TBC1D31: variants seen among roughly 807,000 people sequenced by gnomAD.
The protein encoded by TBC1D31 is WD repeat domain 67.
Under a neutral mutation model 132.9 loss-of-function variants are expected in TBC1D31, and 99 were observed. The observed-to-expected ratio is 0.74, with a 90% confidence interval of 0.63 to 0.88. TBC1D31 has a LOEUF of 0.88. TBC1D31 is among the 40% of genes least tolerant of loss of function. TBC1D31 has a pLI of 0.00. For synonymous variants in TBC1D31, 385 were observed against 419.4 expected (o/e 0.92, Z 1.00); for missense variants, 1,134 against 1,256.6 (o/e 0.90, Z 1.48).
At chr8:123,162,382 C>G in the TBC1D31 span, among the ~76,000 whole-genome samples, 35 of 152,136 alleles carry the variant, frequency 2.3e-4, no homozygotes, top group East Asian at 6.8e-3. Flanking sequence ...TTAATGGAAA[C>G]CTGTTGAGAG....
At chr8:123,161,498 T>C in the TBC1D31 span, among the ~76,000 whole-genome samples, 1 of 152,242 alleles carries the variant, frequency 6.6e-6, no homozygotes, top group African/African-American at 2.4e-5. Context: ...TCAGGCGACC[T>C]GACCAAGTTC....
At chr8:123,072,919 G>C (rs1353416311) in intron 1 of TBC1D31, 73 bp downstream of exon 1, 1 of 1,458,716 alleles carries the variant, frequency 6.9e-7, no homozygotes, top group Admixed American at 2.0e-5. Context: ...CCGGGCGTCA[G>C]GCAGCGTTCC....
chr8:123,115,213 T>C (rs1466049205), intron 10 of TBC1D31, among the ~76,000 whole-genome samples: 1 of 152,216 alleles, frequency 6.6e-6, no homozygotes, highest in African/African-American at 2.4e-5. Flanking sequence ...ATGTTATCAG[T>C]CTTTATTTGT....
rs766820143 is a variant in TBC1D31, at chr8:123,097,357, T to G, written c.747T>G (p.Phe249Leu). The change falls in exon 6 of 22, where the codon TTT (phenylalanine) becomes TTG (leucine). Residue 249 changes from phenylalanine (F) to leucine (L), a missense_variant. Physicochemically the swap from Phe to Leu is conservative, Grantham distance 22 (BLOSUM62 0). Transcript: ENST00000287380. ...HLWCLEARQL[F>L]RIIQMPTKVR... ...GGTGCTTGGAAGCTAGGCAGCTCTT[T>G]AGAATTATCCAGATGCCCACTAAAG... 9 of 1,614,088 alleles carry G rather than the reference T, an allele frequency of 5.6e-6. No homozygotes were observed. The Admixed American group carries it at 1.3e-4, about 24-fold the overall frequency.
chr8:123,084,860 A>G (rs2129912866), intron 4 of TBC1D31, among the ~76,000 whole-genome samples: 1 of 151,804 alleles, frequency 6.6e-6, no homozygotes, highest in Non-Finnish European at 1.5e-5. Context: ...CATGATCTCA[A>G]CTTACTGTAA....
At chr8:123,144,580 A>G (rs1369291589) in intron 19 of TBC1D31, 137 bp from the exon 20 acceptor site, 3 of 870,568 alleles carry the variant, frequency 3.4e-6, no homozygotes, top group Non-Finnish European at 5.1e-6. Flanking sequence ...CCCAGTTACC[A>G]TAACACCAAA....
chr8:123,109,413 G>C lies in TBC1D31; in HGVS notation c.1289+17G>C. 2 of 1,608,282 alleles carry C rather than the reference G, an allele frequency of 1.2e-6. No individual in the cohort carries two copies. The highest frequency in any genetic ancestry group is 1.7e-6 in the Non-Finnish European group (2 of 1,176,604). ...AAAATACAGGTACAATTTAAATTCT[G>C]TATGTTACATCAGTTTTACTCAAAA... On this transcript the variant is annotated intron_variant, in intron 9 of 21. Transcript: ENST00000287380.
At chr8:123,080,181 G>A (rs76919225) in intron 2 of TBC1D31, among the ~76,000 whole-genome samples, 2,787 of 152,252 alleles carry the variant, frequency 0.018, 70 homozygotes, top group African/African-American at 0.063. Context: ...CATGTAACAC[G>A]TGACAGTATC....
intron 20 of TBC1D31, among the ~76,000 whole-genome samples, chr8:123,148,781 G>A (rs1045162197): frequency 1.3e-5 from 2 of 152,114 alleles, no homozygotes; most frequent in Non-Finnish European, 2.9e-5. Flanking sequence ...ACTTTGGGAG[G>A]CCAAATCATG....
In TBC1D31 at chr8:123,077,216, C is replaced by T. The variant is rs766071344; in HGVS notation, c.183C>T (p.Asp61=). Residue 61 remains aspartate, a synonymous_variant, in exon 2 of 22, where the codon GAC becomes GAT. Transcript: ENST00000287380. The part of the protein sequence containing the change: ...DGTGDCLIAG[D]HQGNIYVFDL... ...CAGGCGACTGCTTAATTGCTGGGGA[C>T]CACCAAGGAAATATTTATGTTTTTG... The T allele has an allele frequency of 1.2e-6, 2 of 1,612,014 alleles. No individual in the cohort carries two copies. Among genetic ancestry groups the T allele is most frequent in the South Asian group, 2.2e-5 (2 of 90,662 alleles).
At chr8:123,122,137 C>A (rs1819560194) in intron 11 of TBC1D31, among the ~76,000 whole-genome samples, 1 of 152,186 alleles carries the variant, frequency 6.6e-6, no homozygotes, top group South Asian at 2.1e-4. Context: ...TTTGCCATTT[C>A]TTCAAAATTC....
chr8:123,129,813 TTAAAAA>T (rs1452365503), intron 15 of TBC1D31, among the ~76,000 whole-genome samples: 2 of 152,108 alleles, frequency 1.3e-5, no homozygotes, highest in Non-Finnish European at 1.5e-5. Flanking sequence ...AAGAAAAAAC[TTAAAAA>T]TAAATACATA....
intron 1 of TBC1D31, 134 bp downstream of exon 1, chr8:123,072,980 T>A: frequency 1.2e-6 from 1 of 827,966 alleles, no homozygotes; most frequent in Non-Finnish European, 1.9e-6. Flanking sequence ...TGACCTGCGG[T>A]GGAACAGATG....
At chr8:123,098,382 A>G (rs1029600589) in intron 6 of TBC1D31, among the ~76,000 whole-genome samples, 7 of 151,976 alleles carry the variant, frequency 4.6e-5, no homozygotes, top group African/African-American at 1.7e-4. Flanking sequence ...GCTCACTGCA[A>G]CCTCCGCCTC....
At chr8:123,074,437 A>G (rs1814271794) in intron 1 of TBC1D31, among the ~76,000 whole-genome samples, 1 of 152,172 alleles carries the variant, frequency 6.6e-6, no homozygotes, top group Non-Finnish European at 1.5e-5. Flanking sequence ...CGCTGCCTCA[A>G]CTACATTGAA....
rs144033919 is a variant in TBC1D31, at chr8:123,084,213, C to T, written c.392C>T (p.Ser131Leu). 3.7e-6 allele frequency: 6 copies of T among 1,614,042 alleles called. No individual in the cohort carries two copies. The highest frequency in any genetic ancestry group is 1.3e-5 in the African/African-American group (1 of 74,914). Residue 131 changes from serine to leucine, a missense_variant, in exon 4 of 22, where the codon TCG becomes TTG. Transcript: ENST00000287380. ...AGAGGACATGAATCATCAGTATTTT[C>T]GATCTCTGTGCATGCATCAGGGAAA... ...WMRGHESSVF[S>L]ISVHASGKYA...
At position 123,130,616 on chromosome 8, in the gene TBC1D31, T is replaced by G. The variant is rs576668135; in HGVS notation, c.2406+283T>G. On this transcript the variant is annotated intron_variant, in intron 16 of 21. Transcript: ENST00000287380. Reference sequence around the variant, plus strand: ...GTTAGCCATTAAGTTATTTTTTCTTTTCTTTTCTTTTTTTTTTTTTTTTGA... The same window carrying G: ...GTTAGCCATTAAGTTATTTTTTCTTGTCTTTTCTTTTTTTTTTTTTTTTGA... 1.1e-4 allele frequency among the ~76,000 whole-genome samples: 17 copies of G among 151,626 alleles called. No homozygotes were observed. The East Asian group carries it at 3.3e-3, about 29-fold the overall frequency.
At chr8:123,146,748 G>A (rs1031266167) in intron 20 of TBC1D31, among the ~76,000 whole-genome samples, 7 of 150,140 alleles carry the variant, frequency 4.7e-5, no homozygotes, top group East Asian at 4.0e-4. Flanking sequence ...GCAGTGGCAC[G>A]ATCTTGGCTT....
chr8:123,134,256 C>T, intron 17 of TBC1D31, 50 bp downstream of exon 17: 10 of 1,447,600 alleles, frequency 6.9e-6, no homozygotes, highest in Middle Eastern at 1.7e-4. Context: ...TGGCCAGGCT[C>T]AGTGGCTCAA....
Sources: gnomAD v4.1 joint callset for allele counts (sites outside exome capture counted in the v4.1 genomes callset) on GRCh38, gnomAD v4.1.1 for gene constraint, MANE v1.5 for transcripts, NCBI Gene and HGNC (gene_info 2026-07-23, HGNC 2026-07-21) for gene names.